CRYBB2: variants seen among roughly 807,000 people sequenced by gnomAD.
CRYBB2 encodes the protein beta-crystallin B2.
CRYBB2 carries 12 observed loss-of-function variants against 24.3 expected under a neutral mutation model. The observed-to-expected ratio is 0.49, with a 90% CI of 0.32 to 0.80. The LOEUF (loss-of-function observed/expected upper bound fraction) is 0.80, where lower values mean the gene tolerates loss of function less well. CRYBB2 is among the 30% of genes least tolerant of loss of function. CRYBB2 has a pLI of 0.04. For missense variants in CRYBB2, 198 were observed against 268.5 expected (o/e 0.74, Z 1.83); for synonymous variants, 98 against 101.6 (o/e 0.96, Z 0.21).
intron 1 of CRYBB2, among the ~76,000 whole-genome samples, 175 bp downstream of exon 1, chr22:25,219,841 A>G (rs917729161): frequency 6.6e-6 from 1 of 152,212 alleles, no homozygotes; most frequent in Non-Finnish European, 1.5e-5. Context: ...CTTTATTGTA[A>G]GGATTCAAGA....
At chr22:25,217,147 A>G (rs937534158), upstream of CRYBB2, among the ~76,000 whole-genome samples, 14 of 150,758 alleles carry the variant, frequency 9.3e-5, no homozygotes, top group Middle Eastern at 3.5e-3. Flanking sequence ...CAGAAGTGGA[A>G]TGGCTGGCTC....
upstream of CRYBB2, among the ~76,000 whole-genome samples, chr22:25,216,264 G>C (rs1193846240): frequency 6.6e-6 from 1 of 152,112 alleles, no homozygotes; most frequent in African/African-American, 2.4e-5. Context: ...TTGGAAATAG[G>C]GTCTTTACAG....
In CRYBB2 at chr22:25,227,985, G is replaced by A. The variant is rs774538881; in HGVS notation, c.306G>A (p.Val102=). ...TCAGCTCCCTGAGGCCCATCAAAGT[G>A]GTGAGCCCCCTGCCATCACCCTACT... is the stretch of plus-strand genomic sequence containing the variant. ...DSLSSLRPIK[V]DSQEHKIILY... Residue 102 remains valine (V), a splice_region_variant and synonymous_variant, in exon 4 of 6, where the codon GTG becomes GTA. Coordinates refer to ENST00000398215, the MANE Select transcript of CRYBB2 (RefSeq NM_000496.3). 1.2e-6 allele frequency: 2 copies of A among 1,614,092 alleles called. No homozygotes were observed. The highest frequency in any genetic ancestry group is 2.2e-5 in the South Asian group (2 of 91,080).
chr22:25,231,474 G>A, intron 5 of CRYBB2, 130 bp from the exon 6 acceptor site: 1 of 862,644 alleles, frequency 1.2e-6, no homozygotes, highest in Non-Finnish European at 2.0e-6. Context: ...CTTGGGAAGT[G>A]GCAATGGTTG....
intron 1 of CRYBB2, among the ~76,000 whole-genome samples, chr22:25,220,469 CA>C (rs1935299899): frequency 6.6e-6 from 1 of 152,214 alleles, no homozygotes; most frequent in East Asian, 1.9e-4. Context: ...AGTGATATGG[CA>C]GGACCTCAGG....
Position 25,224,920 on chromosome 22 carries a change from C to T in CRYBB2, c.57C>T (p.Ile19=). 1 of 1,547,352 alleles carries T rather than the reference C, an allele frequency of 6.5e-7. No homozygotes were observed. The highest frequency in any genetic ancestry group is 8.9e-7 in the Non-Finnish European group (1 of 1,118,890). Residue 19 remains isoleucine (I), a splice_region_variant and synonymous_variant, in exon 3 of 6, where the codon ATC becomes ATT. Transcript: ENST00000398215. ...CTGAGTCTCGCTTCCTCTTGCAGAT[C>T]ATCATCTTTGAGCAGGAAAACTTTC... ...AGKPQSLNPK[I]IIFEQENFQG...
At position 25,229,554 on chromosome 22, in the gene CRYBB2, C is replaced by T. The variant is rs1267948608; in HGVS notation, c.425C>T (p.Ser142Leu). ...FHAHGYQEKV[S>L]SVRVQSGTWV... ...GCCCATGGCTACCAGGAGAAGGTGT[C>T]ATCTGTGCGGGTGCAGAGTGGCACG... Residue 142 changes from serine (S) to leucine (L), a missense_variant, in exon 5 of 6, where the codon TCA becomes TTA. Coordinates refer to ENST00000398215, the MANE Select transcript of CRYBB2 (RefSeq NM_000496.3). 4 of 1,614,256 alleles carry T rather than the reference C, an allele frequency of 2.5e-6. No homozygotes were observed. Among genetic ancestry groups the T allele is most frequent in the Admixed American group, 1.7e-5 (1 of 60,036 alleles).
chr22:25,228,040 C>G, intron 4 of CRYBB2, 55 bp downstream of exon 4: 1 of 1,612,508 alleles, frequency 6.2e-7, no homozygotes, highest in East Asian at 2.2e-5. Context: ...CCTACTTTCT[C>G]TCTCTGCCAC....
intron 3 of CRYBB2, among the ~76,000 whole-genome samples, chr22:25,226,150 G>C (rs969415789): frequency 1.4e-5 from 2 of 147,040 alleles, no homozygotes; most frequent in African/African-American, 2.5e-5. Context: ...TAAGATTTTG[G>C]TATGAATTTG....
rs1935470465 is a variant in CRYBB2 at position 25,228,832 on chromosome 22, G to A, written c.307-604G>A. Among the ~76,000 whole-genome samples, 4 of 152,376 alleles carry A rather than the reference G, an allele frequency of 2.6e-5. No homozygotes were observed. In the South Asian group the frequency reaches 8.3e-4, roughly 32 times the overall value. ...AACTAAGGAAAATGTCATAGGGACA[G>A]GAGGATGGGAAGAGATGTAGAAATG... is the stretch of plus-strand genomic sequence containing the variant. On this transcript the variant is annotated intron_variant, in intron 4 of 5. Coordinates refer to ENST00000398215, the MANE Select transcript of CRYBB2 (RefSeq NM_000496.3).
In CRYBB2 at chr22:25,227,917, C is replaced by G. The variant is rs375716015; in HGVS notation, c.238C>G (p.Pro80Ala). The G allele has an allele frequency of 5.6e-6, 9 of 1,613,988 alleles. No individual in the cohort carries two copies. Among genetic ancestry groups the G allele is most frequent in the African/African-American group, 4.0e-5 (3 of 74,898 alleles). Reference sequence around the variant, plus strand: ...GTTTGTGTTTGAGAAGGGTGAGTACCCCCGCTGGGACTCATGGACCAGCAG... The same window carrying G: ...GTTTGTGTTTGAGAAGGGTGAGTACGCCCGCTGGGACTCATGGACCAGCAG... ...EQFVFEKGEY[P>A]RWDSWTSSRR... The change falls in exon 4 of 6, where the codon CCC (proline) becomes GCC (alanine). Residue 80 changes from proline to alanine, a missense_variant. Transcript: ENST00000398215.
At chr22:25,221,754 T>C (rs111987752) in intron 2 of CRYBB2, among the ~76,000 whole-genome samples, 164 of 152,332 alleles carry the variant, frequency 1.1e-3, no homozygotes, top group African/African-American at 3.7e-3. Flanking sequence ...CACCCTATTG[T>C]CTACAGGGCT....
chr22:25,229,660 G>A lies in CRYBB2; in HGVS notation c.449+82G>A, dbSNP rs4049506. The A allele has an allele frequency of 1.2e-3, 1,825 of 1,580,836 alleles. 21 individuals carry two copies. The South Asian group carries it at 0.018, about 15-fold the overall frequency. On this transcript the variant is annotated intron_variant, in intron 5 of 5. Coordinates refer to ENST00000398215, the MANE Select transcript of CRYBB2 (RefSeq NM_000496.3). ...CTAAGTCCTGCTCTGCCCTGTACAC[G>A]CTGGTGATCTTGCACACATCAGTGT...
rs142397199 is a variant in CRYBB2 at position 25,225,510 on chromosome 22, G to A, written c.173+474G>A. 3.4e-3 allele frequency among the ~76,000 whole-genome samples: 517 copies of A among 149,918 alleles called. 7 individuals are homozygous for A. In the East Asian group the frequency reaches 0.05, roughly 15 times the overall value. ...CCCTTCCCGAATCCTGACAATGCTG[G>A]GTCTTTACAGATTTTTTGGCACACT... On this transcript the variant is annotated intron_variant, in intron 3 of 5. Coordinates refer to ENST00000398215, the MANE Select transcript of CRYBB2 (RefSeq NM_000496.3).
At chr22:25,217,479 G>A (rs779061242), upstream of CRYBB2, among the ~76,000 whole-genome samples, 1 of 152,032 alleles carries the variant, frequency 6.6e-6, no homozygotes, top group Non-Finnish European at 1.5e-5. Context: ...CACCATGCCC[G>A]GCTAATTTTG....
chr22:25,223,049 C>G (rs1299127503), intron 2 of CRYBB2, among the ~76,000 whole-genome samples: 1 of 152,170 alleles, frequency 6.6e-6, no homozygotes, highest in African/African-American at 2.4e-5. Flanking sequence ...ATTTTGCCCT[C>G]TACTCTATTG....
intron 4 of CRYBB2, among the ~76,000 whole-genome samples, chr22:25,228,341 G>A (rs5760924): frequency 0.67 from 95,024 of 140,946 alleles, 32,109 homozygotes; most frequent in East Asian, 0.95. Context: ...GTTGGTGCCC[G>A]CCCCCCGCGC....
chr22:25,222,480 A>G (rs1935338154), intron 2 of CRYBB2, among the ~76,000 whole-genome samples: 1 of 152,098 alleles, frequency 6.6e-6, no homozygotes, highest in Non-Finnish European at 1.5e-5. Flanking sequence ...GGCTATATGA[A>G]AATTGGGGGT....
chr22:25,228,232 C>G lies in CRYBB2; in HGVS notation c.306+247C>G, dbSNP rs947688712. On this transcript the variant is annotated intron_variant, in intron 4 of 5. Transcript: ENST00000398215. ...TCTACTGTCCTGAGGTTCCAATGTG[C>G]TTATTAGCTTGAGGGTTGTCACACT... is the stretch of plus-strand genomic sequence containing the variant. Among the ~76,000 whole-genome samples, 4 of 146,728 alleles carry G rather than the reference C, an allele frequency of 2.7e-5. No homozygotes were observed. The Admixed American group carries it at 2.7e-4, about 10-fold the overall frequency.
Sources: gnomAD v4.1 joint callset for allele counts (sites outside exome capture counted in the v4.1 genomes callset) on GRCh38, gnomAD v4.1.1 for gene constraint, MANE v1.5 for transcripts, NCBI Gene and HGNC (gene_info 2026-07-23, HGNC 2026-07-21) for gene names.